The following ASTN2 variants were observed in gnomAD, a reference collection of about 807,000 sequenced individuals.
The protein encoded by ASTN2 is astrotactin 2.
Under a neutral mutation model 139.8 loss-of-function variants are expected in ASTN2, and 54 were observed. The ratio of observed to expected loss-of-function variants is 0.39; its 90% CI spans 0.31 to 0.48. ASTN2 has a LOEUF of 0.48. Ranked by LOEUF, ASTN2 falls within the 20% of genes least tolerant of loss-of-function variation. The pLI, the probability that ASTN2 is intolerant of heterozygous loss-of-function variation, is 0.95. For missense variants in ASTN2, 1,565 were observed against 1,725.1 expected, an observed-to-expected ratio of 0.91 and a Z score of 1.64; for synonymous variants, 756 against 719.5, an observed-to-expected ratio of 1.05 and a Z score of -0.81.
intron 19 of ASTN2, among the ~76,000 whole-genome samples, chr9:116,569,198 C>T (rs4836765): frequency 6.6e-6 from 1 of 152,052 alleles, no homozygotes; most frequent in Non-Finnish European, 1.5e-5. Context: ...AGACGGGCCT[C>T]GTTTGCATGC....
At chr9:116,990,182 T>C (rs200686458) in intron 7 of ASTN2, among the ~76,000 whole-genome samples, 1 of 151,238 alleles carries the variant, frequency 6.6e-6, no homozygotes, top group African/African-American at 2.4e-5. Flanking sequence ...AAATAAGACA[T>C]GGCACATAAA....
chr9:117,056,354 A>C (rs1191799725), intron 5 of ASTN2, among the ~76,000 whole-genome samples: 1 of 152,210 alleles, frequency 6.6e-6, no homozygotes, highest in Non-Finnish European at 1.5e-5. Flanking sequence ...GGATATCAGA[A>C]ACCTTCAAGT....
At chr9:117,031,078 T>C (rs1253397441) in intron 6 of ASTN2, among the ~76,000 whole-genome samples, 2 of 152,164 alleles carry the variant, frequency 1.3e-5, no homozygotes, top group African/African-American at 2.4e-5. Context: ...GCCCAATTTA[T>C]ATTTCCCCTC....
At position 116,618,392 on chromosome 9, in the gene ASTN2, G is replaced by A. The variant is rs1158901962; in HGVS notation, c.3287C>T (p.Thr1096Ile). Residue 1096 changes from threonine (T) to isoleucine (I), a missense_variant, in exon 19 of 23, where the codon ACC becomes ATC. Thr to Ile is a moderately conservative substitution (Grantham distance 89). Transcript: ENST00000313400. ...CTGCAGAATATAGTCGGAGACCTTG[G>A]TCCCAATAGCTGGCTGAACATCCAC... ...EWVDVQPAIGTKVSDYILQHK... is the reference protein window; with the variant it reads ...EWVDVQPAIGIKVSDYILQHK... The A allele has an allele frequency of 6.2e-7, 1 of 1,614,106 alleles. No homozygotes were observed. Among genetic ancestry groups the A allele is most frequent in the South Asian group, 1.1e-5 (1 of 91,076 alleles).
chr9:116,554,422 T>C (rs987681181), intron 19 of ASTN2, among the ~76,000 whole-genome samples: 2 of 152,210 alleles, frequency 1.3e-5, no homozygotes, highest in African/African-American at 2.4e-5. Flanking sequence ...GTCCTTTCCA[T>C]AGTAAAAATC....
At chr9:116,910,924 T>C (rs1834292649) in intron 10 of ASTN2, among the ~76,000 whole-genome samples, 2 of 152,046 alleles carry the variant, frequency 1.3e-5, no homozygotes, top group African/African-American at 4.8e-5. Flanking sequence ...GCGAGACCAG[T>C]CTGAGCAGCT....
rs373631856 is a variant in ASTN2, at chr9:116,620,404, C to A, written c.3112G>T (p.Gly1038Trp). The change falls in exon 18 of 23, where the codon GGG (glycine) becomes TGG (tryptophan). Residue 1038 changes from glycine to tryptophan, a missense_variant. Coordinates refer to ENST00000313400, the MANE Select transcript of ASTN2 (RefSeq NM_001365068.1). Reference protein sequence around the residue: ...SALMSSYWCSGKGDVIDDWCR... With the variant: ...SALMSSYWCSWKGDVIDDWCR... The stretch of plus-strand genomic sequence containing the variant: ...CAGTCATCGATCACATCCCCTTTCC[C>A]TGAGCACCAGTAGGAACTCATCAGT... The A allele has an allele frequency of 6.2e-7, 1 of 1,614,174 alleles. No homozygotes were observed. The highest frequency in any genetic ancestry group is 1.3e-5 in the African/African-American group (1 of 75,044).
chr9:116,770,679 C>T (rs1041394794), intron 13 of ASTN2, among the ~76,000 whole-genome samples: 2 of 152,148 alleles, frequency 1.3e-5, no homozygotes, highest in African/African-American at 4.8e-5. Flanking sequence ...AAGCTTCTTT[C>T]CAGTACTCTC....
chr9:116,440,769 G>T lies in ASTN2; in HGVS notation c.3622C>A (p.Leu1208Met). Residue 1208 changes from leucine to methionine, a missense_variant, in exon 22 of 23, where the codon CTG becomes ATG. This residue lies in a region of ASTN2 where 418 missense variants were observed against 465.8 expected (regional missense o/e 0.90). Coordinates refer to ENST00000313400, the MANE Select transcript of ASTN2 (RefSeq NM_001365068.1). ...AEEIADKIYN[L>M]YNGYTSGKEQ... The stretch of plus-strand genomic sequence containing the variant: ...TTTCCACTTGTGTACCCATTGTACA[G>T]ATTGTAGATCTTGTCAGCTATTTCT... The T allele has an allele frequency of 1.9e-6, 3 of 1,613,942 alleles. No individual in the cohort carries two copies. The highest frequency in any genetic ancestry group is 2.5e-6 in the Non-Finnish European group (3 of 1,179,872).
At chr9:117,394,817 C>T (rs570489131) in intron 1 of ASTN2, among the ~76,000 whole-genome samples, 7 of 152,194 alleles carry the variant, frequency 4.6e-5, no homozygotes, top group African/African-American at 1.4e-4. Context: ...GAGGACTCAG[C>T]TGCTAGGGAA....
chr9:117,393,641 T>A (rs1222590544), intron 1 of ASTN2, among the ~76,000 whole-genome samples: 1 of 152,062 alleles, frequency 6.6e-6, no homozygotes, highest in South Asian at 2.1e-4. Context: ...AAAACAATGA[T>A]GAAAGAAAGC....
chr9:117,020,815 T>TTGAA (rs924051218), intron 6 of ASTN2, among the ~76,000 whole-genome samples: 2 of 152,100 alleles, frequency 1.3e-5, no homozygotes, highest in Non-Finnish European at 2.9e-5. Context: ...GTAAAGCATT[T>TTGAA]TGAATGAATG....
intron 4 of ASTN2, among the ~76,000 whole-genome samples, chr9:117,119,865 T>A (rs1294262019): frequency 6.6e-6 from 1 of 151,530 alleles, no homozygotes; most frequent in South Asian, 2.1e-4. Flanking sequence ...TATGGGTAGA[T>A]TTTGCAAGAT....
intron 11 of ASTN2, among the ~76,000 whole-genome samples, chr9:116,859,590 C>T (rs1241053996): frequency 6.6e-6 from 1 of 152,192 alleles, no homozygotes; most frequent in Admixed American, 6.5e-5. Flanking sequence ...GTCATCTGAG[C>T]TGGTGGAAGA....
chr9:116,785,741 G>C (rs1830355725), intron 13 of ASTN2, among the ~76,000 whole-genome samples: 1 of 151,916 alleles, frequency 6.6e-6, no homozygotes, highest in East Asian at 1.9e-4. Flanking sequence ...TACAGAATCT[G>C]CCCACCTCTC....
chr9:117,132,146 G>C (rs1829842104), intron 4 of ASTN2, among the ~76,000 whole-genome samples: 2 of 152,014 alleles, frequency 1.3e-5, no homozygotes, highest in South Asian at 2.1e-4. Context: ...ATGATGATGT[G>C]TACCTTTTGG....
chr9:117,276,475 C>T (rs1056542417), intron 2 of ASTN2, among the ~76,000 whole-genome samples: 2 of 152,212 alleles, frequency 1.3e-5, no homozygotes, highest in Non-Finnish European at 2.9e-5. Context: ...TGACTTTACA[C>T]ACCATCTAAA....
At chr9:117,211,937 T>TCC (rs1832146120) in intron 3 of ASTN2, among the ~76,000 whole-genome samples, 3 of 6,488 alleles carry the variant, frequency 4.6e-4, no homozygotes, top group Non-Finnish European at 1.4e-3. Context: ...CCTCCCATGC[T>TCC]CATGCAATCT....
intron 10 of ASTN2, among the ~76,000 whole-genome samples, chr9:116,966,723 G>A (rs1482296664): frequency 6.7e-6 from 1 of 150,368 alleles, no homozygotes; most frequent in African/African-American, 2.5e-5. Context: ...AAAAAAAGGA[G>A]GGATGTGGAG....
Sources: gnomAD v4.1 joint callset for allele counts (sites outside exome capture counted in the v4.1 genomes callset) on GRCh38, gnomAD v4.1.1 for gene constraint, gnomAD v4.1.1 regional missense constraint, MANE v1.5 for transcripts, NCBI Gene and HGNC (gene_info 2026-07-23, HGNC 2026-07-21) for gene names.